Variants in TSPAN2 observed in about 807,000 individuals in gnomAD.
TSPAN2 encodes tetraspanin 2, also known as tetraspanin-2.
Under a neutral mutation model 33.3 loss-of-function variants are expected in TSPAN2, and 24 were observed. The observed-to-expected ratio is 0.72, with a 90% CI of 0.52 to 1.01. The LOEUF is 1.01. TSPAN2 is among the 50% of genes least tolerant of loss of function. The pLI, the probability that TSPAN2 is intolerant of heterozygous loss-of-function variation, is 0.00. For missense variants in TSPAN2, 278 were observed against 281.3 expected (o/e 0.99, Z 0.08); for synonymous variants, 114 against 104.5 (o/e 1.09, Z -0.56).
In TSPAN2 at chr1:115,050,410, T is replaced by G. The variant is rs1407413575; in HGVS notation, c.*80A>C. 8.4e-7 allele frequency: 1 copy of G among 1,188,654 alleles called. No individual in the cohort carries two copies. 73.6% of individuals were successfully genotyped at this position (1,188,654 alleles called of 1,614,324 possible). A position where few individuals can be genotyped will look rare whatever the true frequency, so the allele number is the denominator to read the frequency against. ...ATTTTAGATCCTAATGTCATTTCAG[T>G]GTTAAAAATGAGCTGGGAGACAGCT... is the stretch of plus-strand genomic sequence containing the variant. On this transcript the variant is annotated 3_prime_UTR_variant, in exon 8 of 8. Transcript: ENST00000369516.
At chr1:115,053,730 G>A (rs893089107) in intron 6 of TSPAN2, among the ~76,000 whole-genome samples, 2 of 152,186 alleles carry the variant, frequency 1.3e-5, no homozygotes, top group Non-Finnish European at 2.9e-5. Flanking sequence ...AATATAACTG[G>A]AGGAAGCTAT....
At chr1:115,086,331 G>T (rs1420777222) in intron 1 of TSPAN2, among the ~76,000 whole-genome samples, 3 of 152,190 alleles carry the variant, frequency 2.0e-5, no homozygotes, top group Admixed American at 1.3e-4. Context: ...CCCTGCTTGG[G>T]ATCTCTGCAC....
At chr1:115,052,639 T>C (rs1647220639) in intron 7 of TSPAN2, among the ~76,000 whole-genome samples, 1 of 152,164 alleles carries the variant, frequency 6.6e-6, no homozygotes, top group African/African-American at 2.4e-5. Flanking sequence ...CTGCTATCCA[T>C]TCTTCCCACA....
chr1:115,075,200 G>T (rs1000191946), intron 1 of TSPAN2, among the ~76,000 whole-genome samples: 2 of 152,158 alleles, frequency 1.3e-5, no homozygotes, highest in Non-Finnish European at 2.9e-5. Context: ...GATGCATAAT[G>T]GAAAATTAAA....
chr1:115,053,482 T>G lies in TSPAN2; in HGVS notation c.517-20A>C, dbSNP rs1647264054. 6.2e-7 allele frequency: 1 copy of G among 1,610,214 alleles called. No individual in the cohort carries two copies. The highest frequency in any genetic ancestry group is 1.1e-5 in the South Asian group (1 of 90,888). On this transcript the variant is annotated intron_variant, in intron 6 of 7. Transcript: ENST00000369516. ...GCAATTCTGTTTTGAGGAAAAAAAG[T>G]CGGGAATAAAAACTGATTGTATGTG...
In TSPAN2 at chr1:115,060,521, C is replaced by G. The variant is rs1203976149; in HGVS notation, c.288G>C (p.Leu96=). Residue 96 remains leucine, a synonymous_variant, in exon 4 of 8, where the codon CTG becomes CTC. Transcript: ENST00000369516. ...TGGTTACTTCAGCAGCAAATATCAC[C>G]AGGAGGCAGGTAAAAAACTGTAGAG... ...CVLGSFFTCL[L]VIFAAEVTTG... 4 of 1,613,206 alleles carry G rather than the reference C, an allele frequency of 2.5e-6. No homozygotes were observed. The highest frequency in any genetic ancestry group is 3.4e-6 in the Non-Finnish European group (4 of 1,179,528).
In TSPAN2 at chr1:115,053,518, T is replaced by C. The variant is rs1647268771; in HGVS notation, c.517-56A>G. 12 of 1,424,880 alleles carry C rather than the reference T, an allele frequency of 8.4e-6. No individual in the cohort carries two copies. The Middle Eastern group carries it at 7.0e-4, about 83-fold the overall frequency. 88.3% of individuals were successfully genotyped at this position (1,424,880 alleles called of 1,614,324 possible). On this transcript the variant is annotated intron_variant, in intron 6 of 7. Transcript: ENST00000369516. ...AACTGATTGTATGTGTCAGTCATTATCCTGATCCTATCCTTTCCATCTCTA... is the reference window on the plus strand; with the variant it reads ...AACTGATTGTATGTGTCAGTCATTACCCTGATCCTATCCTTTCCATCTCTA...
At position 115,050,543 on chromosome 1, in the gene TSPAN2, T is replaced by C. The variant is rs1301276142; in HGVS notation, c.613A>G (p.Ile205Val). The change falls in exon 8 of 8, where the codon ATA (isoleucine) becomes GTA (valine). Residue 205 changes from isoleucine (I) to valine (V), a missense_variant. Physicochemically the swap from Ile to Val is conservative, Grantham distance 29 (BLOSUM62 3). Coordinates refer to ENST00000369516, the MANE Select transcript of TSPAN2 (RefSeq NM_005725.6). ...GIAGLTIFGM[I>V]FSMVLCCAIR... ...GCACAGCAGAGGACCATGCTGAATA[T>C]CATGCCAAAGATCTGAAACAGAAGA... 1 of 1,613,972 alleles carries C rather than the reference T, an allele frequency of 6.2e-7. No individual in the cohort carries two copies. Among genetic ancestry groups the C allele is most frequent in the Admixed American group, 1.7e-5 (1 of 59,984 alleles).
chr1:115,064,331 T>C (rs1020769975), intron 2 of TSPAN2, among the ~76,000 whole-genome samples: 3 of 152,218 alleles, frequency 2.0e-5, no homozygotes, highest in Non-Finnish European at 2.9e-5. Flanking sequence ...GAATGTCTCC[T>C]GGTGGACCCC....
intron 1 of TSPAN2, among the ~76,000 whole-genome samples, chr1:115,081,152 A>G (rs1648610847): frequency 6.6e-6 from 1 of 152,244 alleles, no homozygotes; most frequent in Admixed American, 6.5e-5. Flanking sequence ...AGAAATTGTG[A>G]AAGTCTAGCT....
intron 1 of TSPAN2, among the ~76,000 whole-genome samples, chr1:115,076,484 G>C (rs1039689384): frequency 1.3e-5 from 2 of 152,160 alleles, no homozygotes; most frequent in South Asian, 4.1e-4. Flanking sequence ...GGAAAGGCTT[G>C]AATGGCTGAG....
intron 1 of TSPAN2, among the ~76,000 whole-genome samples, chr1:115,081,354 C>T (rs905947530): frequency 1.3e-5 from 2 of 152,124 alleles, no homozygotes; most frequent in African/African-American, 4.8e-5. Flanking sequence ...GCTCTGCCAC[C>T]CCTGTTAATA....
At chr1:115,052,649 A>G (rs533703948) in intron 7 of TSPAN2, among the ~76,000 whole-genome samples, 1 of 152,178 alleles carries the variant, frequency 6.6e-6, no homozygotes, top group African/African-American at 2.4e-5. Flanking sequence ...TTCTTCCCAC[A>G]CACTCTTCTT....
intron 2 of TSPAN2, among the ~76,000 whole-genome samples, chr1:115,072,394 T>C (rs1648215277): frequency 6.6e-6 from 1 of 152,126 alleles, no homozygotes. Flanking sequence ...AGACTGAGAT[T>C]AGCACCTTCA....
At chr1:115,069,051 G>A (rs1009844678) in intron 2 of TSPAN2, among the ~76,000 whole-genome samples, 1 of 152,152 alleles carries the variant, frequency 6.6e-6, no homozygotes, top group African/African-American at 2.4e-5. Flanking sequence ...AAGTTTCTAT[G>A]ATGACCCACT....
At chr1:115,075,183 T>A (rs1557882966) in intron 1 of TSPAN2, among the ~76,000 whole-genome samples, 1 of 152,136 alleles carries the variant, frequency 6.6e-6, no homozygotes, top group Non-Finnish European at 1.5e-5. Flanking sequence ...CTGGCACAGA[T>A]GTGTTTGATG....
chr1:115,060,621 T>A, intron 3 of TSPAN2, 83 bp from the exon 4 acceptor site: 1 of 1,046,258 alleles, frequency 9.6e-7, no homozygotes, highest in Non-Finnish European at 1.4e-6. Flanking sequence ...CCTTATGTAA[T>A]GGCTGAATCG....
rs770911976 is a variant in TSPAN2, at chr1:115,057,603, C to T, written c.450G>A (p.Gln150=). ...GTTCGGAGCTTTCTTTTCCACAGCACTGAAACTAGAGAGTCAGAAAAGAGA... is the reference window on the plus strand; with the variant it reads ...GTTCGGAGCTTTCTTTTCCACAGCATTGAAACTAGAGAGTCAGAAAAGAGA... ...GTLITFHSTF[Q]CCGKESSEQV... Residue 150 remains glutamine, a synonymous_variant, in exon 6 of 8, where the codon CAG becomes CAA. Transcript: ENST00000369516. The T allele has an allele frequency of 3.1e-6, 5 of 1,614,092 alleles. No individual in the cohort carries two copies. In the Admixed American group the frequency reaches 8.3e-5, roughly 27 times the overall value.
Position 115,060,470 on chromosome 1 carries a change from C to G in TSPAN2, c.339G>C (p.Lys113Asn), listed in dbSNP as rs769248471. The change falls in exon 4 of 8, where the codon AAG becomes AAC. Residue 113 changes from lysine (K) to asparagine (N), a missense_variant. Coordinates refer to ENST00000369516, the MANE Select transcript of TSPAN2 (RefSeq NM_005725.6). ...TATAAGTAATTTTACTTACTACCCC[C>G]TTGCCTATAAAAGCAAATACTCCAG... is the stretch of plus-strand genomic sequence containing the variant. ...VTTGVFAFIG[K>N]GVAIRHVQTM... The G allele has an allele frequency of 6.2e-7, 1 of 1,612,338 alleles. No homozygotes were observed. Among genetic ancestry groups the G allele is most frequent in the Non-Finnish European group, 8.5e-7 (1 of 1,178,898 alleles).
Sources: gnomAD v4.1 joint callset for allele counts (sites outside exome capture counted in the v4.1 genomes callset) on GRCh38, gnomAD v4.1.1 for gene constraint, MANE v1.5 for transcripts, NCBI Gene and HGNC (gene_info 2026-07-23, HGNC 2026-07-21) for gene names.